Variants in FAM135B observed in about 807,000 individuals in gnomAD.
FAM135B encodes the protein family with sequence similarity 135 member B, also known as protein FAM135B.
FAM135B carries 43 observed loss-of-function variants against 127.7 expected under a neutral mutation model. The observed-to-expected ratio is 0.34, with a 90% CI of 0.26 to 0.43. FAM135B has a LOEUF of 0.43. Among genes scored for constraint, FAM135B ranks in the 20% least tolerant of loss-of-function variants. The probability of loss-of-function intolerance (pLI) is 1.00; values close to 1 mark genes in which losing one functional copy is unlikely to be tolerated. For missense variants in FAM135B, 1,558 were observed against 1,725.6 expected (o/e 0.90, Z 1.72); for synonymous variants, 670 against 665.1 (o/e 1.01, Z -0.11).
chr8:138,242,866 C>T lies in FAM135B; in HGVS notation c.669+76G>A, dbSNP rs1164105674. 6 of 1,512,898 alleles carry T rather than the reference C, an allele frequency of 4.0e-6. No homozygotes were observed. The East Asian group carries it at 9.4e-5, about 24-fold the overall frequency. 93.7% of individuals were successfully genotyped at this position (1,512,898 alleles called of 1,614,324 possible). On this transcript the variant is annotated intron_variant, in intron 7 of 19. Coordinates refer to ENST00000395297, the MANE Select transcript of FAM135B (RefSeq NM_015912.4). The surrounding 1 kb of genome is among the most constrained non-coding windows in gnomAD (Gnocchi z 9.6). ...CTCTGAAGGGGATGTTTCAAAGAAG[C>T]ATGAATCTCATAGAACATACACTCT...
At chr8:138,459,800 A>T (rs561358380) in intron 1 of FAM135B, among the ~76,000 whole-genome samples, 1 of 152,188 alleles carries the variant, frequency 6.6e-6, no homozygotes, top group East Asian at 1.9e-4. Context: ...GGAACTGGAG[A>T]GATAAGAAGC....
At chr8:138,153,237 A>C in intron 12 of FAM135B, 21 bp from the exon 13 acceptor site, 1 of 1,489,440 alleles carries the variant, frequency 6.7e-7, no homozygotes, top group Non-Finnish European at 9.0e-7. Flanking sequence ...AAAAGAAAGA[A>C]AATTATATTA....
At chr8:138,315,972 T>C (rs969052953) in intron 2 of FAM135B, among the ~76,000 whole-genome samples, 3 of 152,146 alleles carry the variant, frequency 2.0e-5, no homozygotes, top group Non-Finnish European at 4.4e-5. Flanking sequence ...TAGTTAATAA[T>C]ATTGTATTAT....
chr8:138,381,193 C>G (rs1831832270), intron 1 of FAM135B, among the ~76,000 whole-genome samples: 2 of 152,154 alleles, frequency 1.3e-5, no homozygotes, highest in South Asian at 4.1e-4. Context: ...GCTTCCAACT[C>G]TAGGCCCTTC....
intron 3 of FAM135B, among the ~76,000 whole-genome samples, chr8:138,267,533 G>A (rs1823031606): frequency 7.2e-6 from 1 of 138,536 alleles, no homozygotes; most frequent in Non-Finnish European, 1.5e-5. Flanking sequence ...CTATAAAACA[G>A]TACTGAAAGA....
At chr8:138,256,616 G>T (rs1179676694) in intron 5 of FAM135B, 73 bp downstream of exon 5, 2 of 1,250,802 alleles carry the variant, frequency 1.6e-6, no homozygotes, top group Non-Finnish European at 2.3e-6. Flanking sequence ...AGGCTATGAG[G>T]CTATCCCAAG....
intron 2 of FAM135B, among the ~76,000 whole-genome samples, chr8:138,314,879 C>CAAAA (rs35189245): frequency 3.5e-5 from 3 of 85,476 alleles, no homozygotes; most frequent in Non-Finnish European, 7.2e-5. Flanking sequence ...GACCTTACCT[C>CAAAA]AAAAAAAAAA....
intron 1 of FAM135B, among the ~76,000 whole-genome samples, chr8:138,455,987 T>G (rs1022635746): frequency 1.3e-4 from 20 of 152,204 alleles, no homozygotes; most frequent in African/African-American, 3.6e-4. Context: ...AGCCTCAATT[T>G]CTGTCTCTCA....
intron 1 of FAM135B, among the ~76,000 whole-genome samples, chr8:138,428,760 T>A (rs1227441164): frequency 6.6e-6 from 1 of 152,186 alleles, no homozygotes; most frequent in African/African-American, 2.4e-5. Context: ...GCTAATGAGG[T>A]CCCACTTTCC....
rs141401317 is a variant in FAM135B at position 138,170,217 on chromosome 8, CTTTTTTTTTTT to C, written c.1104-2179_1104-2169del. ...GTTGTAACTAAGACACTGTTACTATCTTTTTTTTTTTTTTTTTTTTTTGAGACAGAGTTTCG... is the reference window on the plus strand; with the variant it reads ...GTTGTAACTAAGACACTGTTACTATCTTTTTTTTTTTGAGACAGAGTTTCG... On this transcript the variant is annotated intron_variant, in intron 11 of 19. Transcript: ENST00000395297. Among the ~76,000 whole-genome samples the C allele has an allele frequency of 5.9e-3, 661 of 112,036 alleles. 6 individuals are homozygous for C. Among genetic ancestry groups the C allele is most frequent in the Middle Eastern group, 0.055 (12 of 218 alleles). The allele number at this position is 112,036 out of a possible 152,430, so 73.5% of individuals were successfully genotyped here.
intron 7 of FAM135B, among the ~76,000 whole-genome samples, chr8:138,219,243 G>A (rs1401066282): frequency 6.6e-6 from 1 of 152,162 alleles, no homozygotes; most frequent in African/African-American, 2.4e-5. Context: ...TAGGAAGTGG[G>A]GAGTTTCAAA....
At chr8:138,177,971 G>A (rs1814636237) in intron 10 of FAM135B, among the ~76,000 whole-genome samples, 1 of 152,172 alleles carries the variant, frequency 6.6e-6, no homozygotes, top group Non-Finnish European at 1.5e-5. Flanking sequence ...TTCAGCTGGT[G>A]CAGTGGCTCA....
At chr8:138,401,126 C>T (rs1053349413) in intron 1 of FAM135B, among the ~76,000 whole-genome samples, 2 of 152,110 alleles carry the variant, frequency 1.3e-5, no homozygotes, top group Non-Finnish European at 2.9e-5. Flanking sequence ...AAGAAGCTTC[C>T]ATGCTCAACC....
intron 7 of FAM135B, among the ~76,000 whole-genome samples, chr8:138,236,104 C>T (rs73715553): frequency 6.6e-5 from 10 of 152,076 alleles, no homozygotes; most frequent in African/African-American, 1.9e-4. Context: ...TGTTCTTCTG[C>T]GTTCAGATGT....
intron 1 of FAM135B, chr8:138,440,131 G>A (rs2131542108): frequency 6.6e-6 from 1 of 152,278 alleles, no homozygotes; most frequent in Non-Finnish European, 1.5e-5. Context: ...CTGGGCTGCA[G>A]GAACTATAAT....
chr8:138,279,609 C>T (rs1824104293), intron 3 of FAM135B, among the ~76,000 whole-genome samples: 1 of 152,074 alleles, frequency 6.6e-6, no homozygotes, highest in East Asian at 2.0e-4. Context: ...ATTATCTTCA[C>T]ATATAAAGTA....
upstream of FAM135B, among the ~76,000 whole-genome samples, chr8:138,497,454 G>A (rs904036594): frequency 9.9e-5 from 15 of 152,076 alleles, no homozygotes; most frequent in Non-Finnish European, 1.8e-4. Context: ...CCCGCGGCGG[G>A]GCTCCCCTCT....
intron 1 of FAM135B, among the ~76,000 whole-genome samples, chr8:138,494,176 C>A (rs1417292483): frequency 6.6e-6 from 1 of 152,254 alleles, no homozygotes; most frequent in Admixed American, 6.5e-5. Context: ...TAATGCACAA[C>A]AAGCCATGGA....
chr8:138,387,602 T>A (rs1832295158), intron 1 of FAM135B, among the ~76,000 whole-genome samples: 2 of 152,130 alleles, frequency 1.3e-5, no homozygotes, highest in Admixed American at 1.3e-4. Flanking sequence ...GGACTCCTAT[T>A]TCTTGGAGCT....
Sources: allele counts gnomAD v4.1 joint callset (sites outside exome capture counted in the v4.1 genomes callset), GRCh38; gene constraint gnomAD v4.1.1; non-coding constraint Gnocchi (gnomAD v3.1); transcripts MANE v1.5; gene names NCBI Gene and HGNC (gene_info 2026-07-23, HGNC 2026-07-21).